DNMBP: variants seen among roughly 807,000 people sequenced by gnomAD.
DNMBP encodes dynamin binding protein, also known as dynamin-binding protein.
In DNMBP, 87 loss-of-function variants were observed where a neutral mutation model predicts 150.0. The ratio of observed to expected loss-of-function variants is 0.58; its 90% CI spans 0.49 to 0.69. DNMBP has a LOEUF of 0.69. Among genes scored for constraint, DNMBP ranks in the 30% least tolerant of loss-of-function variants. The pLI, the probability that DNMBP is intolerant of heterozygous loss-of-function variation, is 0.00. For missense variants in DNMBP, 1,774 were observed against 1,949.0 expected (o/e 0.91, Z 1.69); for synonymous variants, 711 against 750.4 (o/e 0.95, Z 0.86).
chr10:100,002,495 A>G (rs1364946046), intron 1 of DNMBP, among the ~76,000 whole-genome samples: 3 of 152,208 alleles, frequency 2.0e-5, no homozygotes, highest in Non-Finnish European at 4.4e-5. Flanking sequence ...TCCACAGAGT[A>G]AGGAAACTAT....
At chr10:99,935,272 T>C (rs1275581921) in intron 4 of DNMBP, among the ~76,000 whole-genome samples, 1 of 152,028 alleles carries the variant, frequency 6.6e-6, no homozygotes, top group African/African-American at 2.4e-5. Flanking sequence ...GTGCTTGCCA[T>C]GCAAAAGGCA....
Position 99,955,293 on chromosome 10 carries a change from T to A in DNMBP, c.2181A>T (p.Ser727=). The A allele has an allele frequency of 6.2e-7, 1 of 1,614,164 alleles. No individual in the cohort carries two copies. Among genetic ancestry groups the A allele is most frequent in the Non-Finnish European group, 8.5e-7 (1 of 1,180,012 alleles). Residue 727 remains serine (S), a synonymous_variant, in exon 4 of 17, where the codon TCA becomes TCT. Transcript: ENST00000324109. ...LMLEEKQDES[S]RAETLEDLKF... is the part of the protein sequence containing the mutation. ...TGAGATCCTCGAGGGTCTCTGCTCT[T>A]GATGATTCATCCTGCTTCTCCTCCA...
chr10:99,978,283 A>G (rs2040749394), intron 1 of DNMBP, among the ~76,000 whole-genome samples: 1 of 152,112 alleles, frequency 6.6e-6, no homozygotes, highest in Admixed American at 6.6e-5. Flanking sequence ...TTCCTTCAAC[A>G]TCCTCTAGAC....
At chr10:99,887,552 TTTAA>T (rs1430785595) in intron 12 of DNMBP, among the ~76,000 whole-genome samples, 2 of 152,052 alleles carry the variant, frequency 1.3e-5, no homozygotes, top group Non-Finnish European at 2.9e-5. Flanking sequence ...AATTTTTCTC[TTTAA>T]TTCTTTCTAA....
chr10:99,909,773 T>C (rs889523010), intron 4 of DNMBP, among the ~76,000 whole-genome samples: 2 of 152,232 alleles, frequency 1.3e-5, no homozygotes, highest in Non-Finnish European at 2.9e-5. Flanking sequence ...GTTTTGTTAC[T>C]CAAATGTCCT....
chr10:99,939,095 A>G (rs2040266278), intron 4 of DNMBP, among the ~76,000 whole-genome samples: 1 of 152,052 alleles, frequency 6.6e-6, no homozygotes, highest in South Asian at 2.1e-4. Context: ...GAAGAAGGGT[A>G]AAGGAAAAAA....
intron 4 of DNMBP, among the ~76,000 whole-genome samples, chr10:99,926,445 T>A (rs1350584240): frequency 6.6e-6 from 1 of 152,060 alleles, no homozygotes; most frequent in Non-Finnish European, 1.5e-5. Flanking sequence ...ATGCAGGCAC[T>A]GAAAAGCAAT....
chr10:99,958,938 C>T (rs978850737), intron 3 of DNMBP, among the ~76,000 whole-genome samples: 2 of 152,170 alleles, frequency 1.3e-5, no homozygotes, highest in Admixed American at 6.5e-5. Flanking sequence ...GCAGTGTCAA[C>T]GATGAATATT....
chr10:99,888,047 T>G lies in DNMBP; in HGVS notation c.3285+778A>C, dbSNP rs1351439977. Among the ~76,000 whole-genome samples, 3 of 152,048 alleles carry G rather than the reference T, an allele frequency of 2.0e-5. No individual in the cohort carries two copies. In the South Asian group the frequency reaches 6.2e-4, roughly 32 times the overall value. On this transcript the variant is annotated intron_variant, in intron 12 of 16. Transcript: ENST00000324109. The stretch of plus-strand genomic sequence containing the variant: ...CCATGTTGGTCAGGCTGGTCTCAAC[T>G]CCCAACCTCAGGTGATCCGCCCACC...
At chr10:100,003,594 T>C (rs1011855152) in intron 1 of DNMBP, among the ~76,000 whole-genome samples, 1 of 152,130 alleles carries the variant, frequency 6.6e-6, no homozygotes, top group Non-Finnish European at 1.5e-5. Context: ...TGGCTCACAC[T>C]TGTAATCCCA....
At chr10:99,950,643 G>C (rs934575700) in intron 4 of DNMBP, among the ~76,000 whole-genome samples, 5 of 152,232 alleles carry the variant, frequency 3.3e-5, no homozygotes, top group African/African-American at 9.6e-5. Flanking sequence ...TTTTAGCAAA[G>C]AGACTGGTAG....
intron 10 of DNMBP, among the ~76,000 whole-genome samples, chr10:99,895,563 C>A (rs1205062896): frequency 6.6e-6 from 1 of 152,216 alleles, no homozygotes; most frequent in Admixed American, 6.5e-5. Context: ...CTCCTTTAAA[C>A]CTTCTTTGCA....
chr10:99,929,382 A>C (rs2040119802), intron 4 of DNMBP, among the ~76,000 whole-genome samples: 1 of 152,154 alleles, frequency 6.6e-6, no homozygotes, highest in South Asian at 2.1e-4. Context: ...TTCCCATGAG[A>C]GCGCTATCCG....
Position 99,956,442 on chromosome 10 carries a change from A to C in DNMBP, c.1032T>G (p.His344Gln). ...TAATGCAGTCAGGCTCCTCGGCCTCATGGTCACTGGTTTCATGTCTTTGTT... is the reference window on the plus strand; with the variant it reads ...TAATGCAGTCAGGCTCCTCGGCCTCCTGGTCACTGGTTTCATGTCTTTGTT... The part of the protein sequence containing the change: ...VEEQRHETSD[H>Q]EAEEPDCIIS... The change falls in exon 4 of 17, where the codon CAT (histidine) becomes CAG (glutamine). Residue 344 changes from histidine (H) to glutamine (Q), a missense_variant. His to Gln is a conservative substitution (Grantham distance 24). Coordinates refer to ENST00000324109, the MANE Select transcript of DNMBP (RefSeq NM_015221.4). 6.2e-7 allele frequency: 1 copy of C among 1,614,068 alleles called. No homozygotes were observed.
chr10:99,895,744 C>CTGTT (rs1317340477), intron 10 of DNMBP, among the ~76,000 whole-genome samples: 1 of 152,198 alleles, frequency 6.6e-6, no homozygotes, highest in East Asian at 1.9e-4. Flanking sequence ...TCTCACTGAA[C>CTGTT]TGTTTTTCTA....
At chr10:99,951,175 T>C (rs1470043222) in intron 4 of DNMBP, among the ~76,000 whole-genome samples, 1 of 152,212 alleles carries the variant, frequency 6.6e-6, no homozygotes, top group Non-Finnish European at 1.5e-5. Context: ...CCATGTGGTG[T>C]TGAGCCTGCG....
chr10:99,940,658 AT>A (rs968365000), intron 4 of DNMBP, among the ~76,000 whole-genome samples: 7 of 152,058 alleles, frequency 4.6e-5, no homozygotes, highest in African/African-American at 1.4e-4. Context: ...CCACTACCCT[AT>A]TTTTTTGCTT....
chr10:99,885,944 G>T (rs1590210907), intron 13 of DNMBP, 78 bp from the exon 14 acceptor site: 1 of 1,335,566 alleles, frequency 7.5e-7, no homozygotes, highest in East Asian at 2.5e-5. Context: ...AAGAAAACAT[G>T]ATGAAAGATC....
intron 4 of DNMBP, among the ~76,000 whole-genome samples, chr10:99,949,642 C>T (rs941064860): frequency 5.3e-5 from 8 of 152,142 alleles, no homozygotes; most frequent in African/African-American, 1.9e-4. Flanking sequence ...CATTAACATA[C>T]CCAATACTGT....
Sources: allele counts gnomAD v4.1 joint callset (sites outside exome capture counted in the v4.1 genomes callset), GRCh38; gene constraint gnomAD v4.1.1; transcripts MANE v1.5; gene names NCBI Gene and HGNC (gene_info 2026-07-23, HGNC 2026-07-21).